RHAG: variants seen among roughly 807,000 people sequenced by gnomAD.
The protein encoded by RHAG is Rh associated glycoprotein, also known as ammonium transporter Rh type A.
A neutral mutation model predicts 42.4 loss-of-function variants in RHAG; 25 were observed. That is an observed-to-expected ratio of 0.59 (90% CI 0.43 to 0.82). The LOEUF (loss-of-function observed/expected upper bound fraction) is 0.82. RHAG is among the 40% of genes least tolerant of loss of function. The pLI is 0.00. For missense variants in RHAG, 483 were observed against 504.6 expected (o/e 0.96, Z 0.41); for synonymous variants, 182 against 177.7 (o/e 1.02, Z -0.19).
At chr6:49,626,524 C>G (rs1041660842) in intron 1 of RHAG, among the ~76,000 whole-genome samples, 3 of 152,194 alleles carry the variant, frequency 2.0e-5, no homozygotes, top group African/African-American at 7.2e-5. Context: ...AGGGTACAGC[C>G]CCCTTTCCAG....
chr6:49,610,893 C>T (rs1025374443), intron 7 of RHAG, 131 bp downstream of exon 7: 51 of 1,008,394 alleles, frequency 5.1e-5, no homozygotes, highest in Non-Finnish European at 6.9e-5. Flanking sequence ...CTCTCAGGCG[C>T]GTCTCTTTGG....
At chr6:49,618,279 T>G in intron 2 of RHAG, 61 bp from the exon 3 acceptor site, 1 of 1,583,436 alleles carries the variant, frequency 6.3e-7, no homozygotes, top group South Asian at 1.1e-5. Context: ...CTGACCAAAG[T>G]GCAATCCCAT....
chr6:49,611,903 G>A (rs1422510074), intron 6 of RHAG, among the ~76,000 whole-genome samples: 7 of 151,046 alleles, frequency 4.6e-5, no homozygotes, highest in South Asian at 2.1e-4. Flanking sequence ...CACCATGCCC[G>A]GCTAATTTTT....
chr6:49,612,736 C>G (rs1404531286), intron 5 of RHAG, among the ~76,000 whole-genome samples: 1 of 152,102 alleles, frequency 6.6e-6, no homozygotes, highest in African/African-American at 2.4e-5. Flanking sequence ...CTTGCCGGTC[C>G]CTTGGTAGTG....
In RHAG at chr6:49,607,129, G is replaced by A. The variant is rs765178672; in HGVS notation, c.1138+21C>T. ...ATCTGAGAGCATAAGATACAGGGAA[G>A]TGTTCACTTTTTATGCTGACCTGTC... On this transcript the variant is annotated intron_variant, in intron 8 of 9. Coordinates refer to ENST00000371175, the MANE Select transcript of RHAG (RefSeq NM_000324.3). 1.4e-5 allele frequency: 23 copies of A among 1,587,746 alleles called. 1 individual carries two copies. The South Asian group carries it at 2.4e-4, about 17-fold the overall frequency.
chr6:49,605,955 T>C (rs1290949079), intron 9 of RHAG, 125 bp from the exon 10 acceptor site: 3 of 818,330 alleles, frequency 3.7e-6, no homozygotes, highest in Non-Finnish European at 6.4e-6. Flanking sequence ...GGAATAAAAA[T>C]TGTTTGAGTT....
chr6:49,616,224 C>T (rs568754222), intron 3 of RHAG, among the ~76,000 whole-genome samples: 3 of 152,144 alleles, frequency 2.0e-5, no homozygotes, highest in African/African-American at 4.8e-5. Flanking sequence ...TGGTGCACGC[C>T]TTGTAGTCCC....
intron 1 of RHAG, among the ~76,000 whole-genome samples, chr6:49,631,367 T>C (rs1762933147): frequency 6.6e-6 from 1 of 152,248 alleles, no homozygotes; most frequent in South Asian, 2.1e-4. Context: ...TTTCTATGTC[T>C]ATTCTCCTTT....
intron 3 of RHAG, among the ~76,000 whole-genome samples, chr6:49,617,395 G>A (rs1469556960): frequency 1.3e-5 from 2 of 152,144 alleles, no homozygotes; most frequent in African/African-American, 4.8e-5. Context: ...TTGGGTGGGT[G>A]GATGAATGTG....
At chr6:49,611,229 A>G (rs1762564251) in intron 6 of RHAG, 84 bp from the exon 7 acceptor site, 3 of 1,101,664 alleles carry the variant, frequency 2.7e-6, no homozygotes, top group South Asian at 1.3e-5. Flanking sequence ...GCTGGGCTCT[A>G]TTCTTCCATG....
At chr6:49,624,642 G>T (rs1762814535) in intron 1 of RHAG, among the ~76,000 whole-genome samples, 1 of 152,180 alleles carries the variant, frequency 6.6e-6, no homozygotes, top group Non-Finnish European at 1.5e-5. Context: ...TCTGTAAAAT[G>T]GGACTAATAC....
At chr6:49,634,831 A>G (rs1014055669) in intron 1 of RHAG, among the ~76,000 whole-genome samples, 2 of 152,044 alleles carry the variant, frequency 1.3e-5, no homozygotes, top group African/African-American at 2.4e-5. Flanking sequence ...TGACGTATAC[A>G]ATTATATACA....
rs550840907 is a variant in RHAG at position 49,615,692 on chromosome 6, C to T, written c.572G>A (p.Arg191Gln). The T allele has an allele frequency of 9.5e-5, 154 of 1,613,992 alleles. No individual in the cohort carries two copies. The East Asian group carries it at 2.9e-3, about 30-fold the overall frequency. The stretch of plus-strand genomic sequence containing the variant: ...TTCATGCCCCTTTCTCAGTCCAGAT[C>T]GATACAAGATGCCTGCTACAGCCAA... ...FGLAVAGILY[R>Q]SGLRKGHENE... Residue 191 changes from arginine to glutamine, a missense_variant, in exon 4 of 10, where the codon CGA becomes CAA. Physicochemically the swap from Arg to Gln is conservative, Grantham distance 43 (BLOSUM62 1). Transcript: ENST00000371175.
chr6:49,606,811 C>T (rs769006402), intron 9 of RHAG, 37 bp downstream of exon 9: 1 of 1,333,790 alleles, frequency 7.5e-7, no homozygotes, highest in South Asian at 1.2e-5. Flanking sequence ...CTAATGGAGT[C>T]ATCGTTCACA....
intron 6 of RHAG, among the ~76,000 whole-genome samples, chr6:49,611,354 C>T (rs569551493): frequency 2.0e-4 from 30 of 152,318 alleles, no homozygotes; most frequent in African/African-American, 7.0e-4. Context: ...ACGTCTCCAA[C>T]ATCTTACATA....
At chr6:49,612,338 G>C in intron 6 of RHAG, 59 bp downstream of exon 6, 2 of 1,562,510 alleles carry the variant, frequency 1.3e-6, no homozygotes, top group South Asian at 2.2e-5. Flanking sequence ...CTGCTGGTGG[G>C]ACATGTGAGA....
At chr6:49,634,541 A>G (rs1447222185) in intron 1 of RHAG, among the ~76,000 whole-genome samples, 2 of 152,158 alleles carry the variant, frequency 1.3e-5, no homozygotes, top group Non-Finnish European at 2.9e-5. Flanking sequence ...ACGATTCACA[A>G]TAGCCAAGAT....
chr6:49,631,440 C>A (rs937262605), intron 1 of RHAG, among the ~76,000 whole-genome samples: 1 of 152,104 alleles, frequency 6.6e-6, no homozygotes, highest in African/African-American at 2.4e-5. Context: ...CTCTTTTATG[C>A]AATATTTCTA....
chr6:49,608,440 G>A (rs560284302), intron 7 of RHAG, among the ~76,000 whole-genome samples: 3 of 151,258 alleles, frequency 2.0e-5, no homozygotes, highest in African/African-American at 7.2e-5. Context: ...AGTGAAGTGA[G>A]GTGATCTCAG....
Sources: allele counts gnomAD v4.1 joint callset (sites outside exome capture counted in the v4.1 genomes callset), GRCh38; gene constraint gnomAD v4.1.1; transcripts MANE v1.5; gene names NCBI Gene and HGNC (gene_info 2026-07-23, HGNC 2026-07-21).